Variants in PARD3 observed in about 807,000 individuals in gnomAD.
The protein encoded by PARD3 is par-3 family cell polarity regulator, also known as partitioning defective 3 homolog.
A neutral mutation model predicts 155.4 loss-of-function variants in PARD3; 75 were observed. The observed-to-expected ratio is 0.48, with a 90% CI of 0.40 to 0.58. The LOEUF is 0.58. Among genes scored for constraint, PARD3 ranks in the 20% least tolerant of loss-of-function variants. PARD3 has a pLI of 0.00. For synonymous variants in PARD3, 576 were observed against 610.5 expected, an observed-to-expected ratio of 0.94 and a Z score of 0.83; for missense variants, 1,642 against 1,721.7, an observed-to-expected ratio of 0.95 and a Z score of 0.82.
intron 5 of PARD3, among the ~76,000 whole-genome samples, chr10:34,425,310 G>C (rs117439994): frequency 6.6e-6 from 1 of 151,952 alleles, no homozygotes; most frequent in Admixed American, 6.6e-5. Context: ...TTATACATTT[G>C]GATACTTTCA....
chr10:34,268,746 G>A (rs1205005703), intron 22 of PARD3, among the ~76,000 whole-genome samples: 1 of 152,084 alleles, frequency 6.6e-6, no homozygotes, highest in African/African-American at 2.4e-5. Flanking sequence ...CTTGGACACA[G>A]GAAGGGGAAC....
At chr10:34,233,484 A>G (rs1231635145) in intron 22 of PARD3, among the ~76,000 whole-genome samples, 1 of 152,022 alleles carries the variant, frequency 6.6e-6, no homozygotes, top group Non-Finnish European at 1.5e-5. Context: ...TTCCACATCC[A>G]TAACTCCAGT....
At chr10:34,609,225 AT>A (rs1196773626) in intron 2 of PARD3, among the ~76,000 whole-genome samples, 2 of 152,196 alleles carry the variant, frequency 1.3e-5, no homozygotes, top group Non-Finnish European at 2.9e-5. Flanking sequence ...CAACTCAGTT[AT>A]TTTTGTCAAT....
At position 34,559,762 on chromosome 10, in the gene PARD3, A is replaced by G. The variant is rs185012327; in HGVS notation, c.223-42603T>C. Among the ~76,000 whole-genome samples the G allele has an allele frequency of 2.6e-5, 4 of 152,156 alleles. No homozygotes were observed. The East Asian group carries it at 5.8e-4, about 22-fold the overall frequency. ...TGATGAAAAGGATGACTCCCAGGAC[A>G]GCGATATAATTTGACCTTACCTACT... is the stretch of plus-strand genomic sequence containing the variant. On this transcript the variant is annotated intron_variant, in intron 2 of 24. Coordinates refer to ENST00000374788, the MANE Select transcript of PARD3 (RefSeq NM_001184785.2).
chr10:34,483,256 T>TATC (rs1256951976), intron 3 of PARD3, among the ~76,000 whole-genome samples: 1 of 151,948 alleles, frequency 6.6e-6, no homozygotes, highest in African/African-American at 2.4e-5. Flanking sequence ...CTGAGGCAGG[T>TATC]GGATCACTTG....
intron 22 of PARD3, among the ~76,000 whole-genome samples, chr10:34,223,608 A>C: frequency 6.6e-6 from 1 of 152,242 alleles, no homozygotes. Context: ...TCTAAAGGAT[A>C]AAAAACAATC....
intron 23 of PARD3, among the ~76,000 whole-genome samples, chr10:34,128,545 G>A (rs1020349973): frequency 3.3e-5 from 5 of 152,032 alleles, no homozygotes; most frequent in African/African-American, 4.8e-5. Context: ...TTAAGTTTTC[G>A]GGAAGTCAGA....
At chr10:34,132,149 T>C (rs1947646855) in intron 22 of PARD3, among the ~76,000 whole-genome samples, 3 of 152,194 alleles carry the variant, frequency 2.0e-5, no homozygotes, top group African/African-American at 7.2e-5. Flanking sequence ...ATAAATAAAA[T>C]GCAATTCTCA....
At position 34,177,727 on chromosome 10, in the gene PARD3, C is replaced by CA. The variant is rs1950098018; in HGVS notation, c.3420-46145_3420-46144insT. On this transcript the variant is annotated intron_variant, in intron 22 of 24. Transcript: ENST00000374788. ...TTCTCTTGAAAGGGCAGGAAGCCCA[C>CA]GCCAGTCAGGAGAACATCACAGGCG... 3.3e-5 allele frequency among the ~76,000 whole-genome samples: 5 copies of CA among 152,302 alleles called. No homozygotes were observed. The South Asian group carries it at 1.0e-3, about 32-fold the overall frequency.
chr10:34,628,681 GC>G (rs2092109604), intron 2 of PARD3, among the ~76,000 whole-genome samples: 1 of 152,204 alleles, frequency 6.6e-6, no homozygotes, highest in African/African-American at 2.4e-5. Flanking sequence ...AGCTTTGACA[GC>G]CACACTGCGC....
intron 2 of PARD3, among the ~76,000 whole-genome samples, chr10:34,548,537 G>A (rs186587964): frequency 5.4e-4 from 80 of 149,198 alleles, no homozygotes; most frequent in East Asian, 2.8e-3. Context: ...GCGTGGTCAC[G>A]TATGAAGGAT....
chr10:34,542,209 G>GTA (rs2083665996), intron 2 of PARD3, among the ~76,000 whole-genome samples: 1 of 3,930 alleles, frequency 2.5e-4, no homozygotes, highest in African/African-American at 3.1e-4. Context: ...TGGGGTGTGT[G>GTA]TGTGTGTGTG....
intron 2 of PARD3, among the ~76,000 whole-genome samples, chr10:34,541,048 C>T (rs1429115797): frequency 6.6e-6 from 1 of 151,996 alleles, no homozygotes; most frequent in Non-Finnish European, 1.5e-5. Context: ...AAAAGCCATT[C>T]AAAAAATTAA....
intron 2 of PARD3, among the ~76,000 whole-genome samples, chr10:34,546,540 T>C (rs546702647): frequency 5.0e-3 from 229 of 45,868 alleles, no homozygotes; most frequent in Non-Finnish European, 7.8e-3. Flanking sequence ...TGGAATTTTG[T>C]TGTTGTTTTT....
At chr10:34,602,713 C>T (rs1226237255) in intron 2 of PARD3, among the ~76,000 whole-genome samples, 1 of 152,124 alleles carries the variant, frequency 6.6e-6, no homozygotes, top group Non-Finnish European at 1.5e-5. Context: ...GTGTGAACAT[C>T]GGGCAGGATA....
chr10:34,359,994 T>C (rs1324984069), intron 13 of PARD3, 77 bp downstream of exon 13: 1 of 1,106,494 alleles, frequency 9.0e-7, no homozygotes, highest in East Asian at 2.4e-5. Context: ...GTTAACTGTA[T>C]ATGTTTCCAA....
intron 1 of PARD3, among the ~76,000 whole-genome samples, chr10:34,807,755 T>G (rs10827432): frequency 6.6e-6 from 1 of 151,866 alleles, no homozygotes; most frequent in Admixed American, 6.5e-5. Flanking sequence ...ATACAAAATA[T>G]ACTCTGTTTA....
chr10:34,152,783 C>T (rs1948838509), intron 22 of PARD3, among the ~76,000 whole-genome samples: 1 of 151,352 alleles, frequency 6.6e-6, no homozygotes, highest in Admixed American at 6.6e-5. Flanking sequence ...AGACAACTGG[C>T]CGTACATAGC....
intron 22 of PARD3, among the ~76,000 whole-genome samples, chr10:34,203,260 G>T (rs1121682): frequency 0.21 from 31,778 of 152,092 alleles, 4,016 homozygotes; most frequent in Non-Finnish European, 0.26. Context: ...AACCACTGAA[G>T]AATGAAGGCA....
Sources: allele counts gnomAD v4.1 joint callset (sites outside exome capture counted in the v4.1 genomes callset), GRCh38; gene constraint gnomAD v4.1.1; transcripts MANE v1.5; gene names NCBI Gene and HGNC (gene_info 2026-07-23, HGNC 2026-07-21).